SMAD3: variants seen among roughly 807,000 people sequenced by gnomAD.
SMAD3 encodes the protein SMAD family member 3.
SMAD3 carries 12 observed loss-of-function variants against 51.8 expected under a neutral mutation model. That is an observed-to-expected ratio of 0.23 (90% CI 0.15 to 0.38). SMAD3 has a LOEUF of 0.38. SMAD3 is among the 10% of genes least tolerant of loss of function. The pLI is 1.00. For missense variants in SMAD3, 294 were observed against 565.6 expected (o/e 0.52, Z 4.87); for synonymous variants, 238 against 227.7 (o/e 1.05, Z -0.41).
chr15:67,118,705 G>T lies in SMAD3; in HGVS notation c.207-46190G>T, dbSNP rs150804668. Among the ~76,000 whole-genome samples, 258 of 152,282 alleles carry T rather than the reference G, an allele frequency of 1.7e-3. 2 individuals are homozygous for T. Among genetic ancestry groups the T allele is most frequent in the African/African-American group, 5.8e-3 (243 of 41,556 alleles). On this transcript the variant is annotated intron_variant, in intron 1 of 8. Coordinates refer to ENST00000327367, the MANE Select transcript of SMAD3 (RefSeq NM_005902.4). ...CAATGTGATGTGGGTGTCCTGAGTC[G>T]TGAACATCCCATTGTGCAGGATAAA...
At chr15:67,139,725 A>G (rs1961766981) in intron 1 of SMAD3, among the ~76,000 whole-genome samples, 1 of 152,180 alleles carries the variant, frequency 6.6e-6, no homozygotes, top group African/African-American at 2.4e-5. Context: ...AATGCTGGGT[A>G]AGTAGAATTA....
chr15:67,108,509 CCCT>C (rs936300832), intron 1 of SMAD3, among the ~76,000 whole-genome samples: 5 of 152,194 alleles, frequency 3.3e-5, no homozygotes, highest in Non-Finnish European at 4.4e-5. Context: ...TTCAGATGCC[CCCT>C]CCTCCTGGCC....
intron 1 of SMAD3, chr15:67,138,436 G>C (rs1330835396): frequency 3.3e-6 from 1 of 307,114 alleles, no homozygotes; most frequent in Non-Finnish European, 6.3e-6. Flanking sequence ...GCGTGCTGGG[G>C]AGGGGAGCTA....
chr15:67,192,288 C>T lies in SMAD3; in HGVS notation c.*1752C>T, dbSNP rs927930948. 5 of 232,840 alleles carry T rather than the reference C, an allele frequency of 2.1e-5. No individual in the cohort carries two copies. The highest frequency in any genetic ancestry group is 3.4e-5 in the Non-Finnish European group (4 of 117,666). 14.4% of individuals were successfully genotyped at this position (232,840 alleles called of 1,614,324 possible). ...GAGGTTTCCAGGTAGGACAGCTGCTCCCCAAGCCTCCTGAGGACACAGGAA... is the reference window on the plus strand; with the variant it reads ...GAGGTTTCCAGGTAGGACAGCTGCTTCCCAAGCCTCCTGAGGACACAGGAA... On this transcript the variant is annotated 3_prime_UTR_variant, in exon 9 of 9. Coordinates refer to ENST00000327367, the MANE Select transcript of SMAD3 (RefSeq NM_005902.4).
At chr15:67,143,812 G>A (rs945045008) in intron 1 of SMAD3, among the ~76,000 whole-genome samples, 1 of 151,500 alleles carries the variant, frequency 6.6e-6, no homozygotes, top group Non-Finnish European at 1.5e-5. Flanking sequence ...TGTGATCTCG[G>A]CTCCTGCCGC....
chr15:67,077,041 C>T (rs1018438216), intron 1 of SMAD3, among the ~76,000 whole-genome samples: 2 of 152,154 alleles, frequency 1.3e-5, no homozygotes, highest in Non-Finnish European at 2.9e-5. Context: ...TTCCACATTC[C>T]ATTGTGAAAC....
intron 1 of SMAD3, among the ~76,000 whole-genome samples, chr15:67,104,356 A>C (rs1960831287): frequency 6.6e-6 from 1 of 152,214 alleles, no homozygotes; most frequent in African/African-American, 2.4e-5. Flanking sequence ...TGATCGGGGA[A>C]GAGACACTAA....
intron 1 of SMAD3, among the ~76,000 whole-genome samples, chr15:67,142,075 G>T (rs947927549): frequency 1.3e-5 from 2 of 152,138 alleles, no homozygotes; most frequent in African/African-American, 4.8e-5. Context: ...ACGTAGCGAG[G>T]CAGTGAAGAG....
rs1963463211 is a variant in SMAD3 at position 67,194,898 on chromosome 15, G to C, written c.*4362G>C. On this transcript the variant is annotated 3_prime_UTR_variant, in exon 9 of 9. Transcript: ENST00000327367. ...TTCACTCACCTTCACTGCTGCTGTT[G>C]CAACTCGGCTGTTCTGGACTCTGAT... is the stretch of plus-strand genomic sequence containing the variant. The C allele has an allele frequency of 8.6e-6, 2 of 233,548 alleles. No homozygotes were observed. The allele number at this position is 233,548 out of a possible 1,614,324, so 14.5% of individuals were successfully genotyped here.
chr15:67,079,397 C>T (rs570728159), intron 1 of SMAD3, among the ~76,000 whole-genome samples: 2 of 152,250 alleles, frequency 1.3e-5, no homozygotes, highest in East Asian at 1.9e-4. Context: ...ACCTTAGAGA[C>T]AATCATAAAT....
At chr15:67,126,095 T>C (rs2140247787) in intron 1 of SMAD3, 1 of 464,530 alleles carries the variant, frequency 2.2e-6, no homozygotes, top group African/African-American at 2.1e-5. Context: ...AATTGCGTAG[T>C]TTTTTTCTTT....
chr15:67,184,964 C>A, intron 7 of SMAD3, 100 bp downstream of exon 7: 2 of 1,453,642 alleles, frequency 1.4e-6, no homozygotes, highest in South Asian at 1.1e-5. Flanking sequence ...TCTGCTCACT[C>A]ATGATTGCGT....
In SMAD3 at chr15:67,179,979, G is replaced by A. The variant is rs185919074; in HGVS notation, c.659-1262G>A. Among the ~76,000 whole-genome samples the A allele has an allele frequency of 8.1e-3, 1,230 of 152,258 alleles. 10 individuals carry two copies. Among genetic ancestry groups the A allele is most frequent in the Non-Finnish European group, 0.011 (734 of 68,006 alleles). On this transcript the variant is annotated intron_variant, in intron 5 of 8. Transcript: ENST00000327367. ...GAGGCACACCCTTAGTAACTGCGTC[G>A]CTTCGGGTATATTTAAGAGCCAGAG... is the stretch of plus-strand genomic sequence containing the variant.
At chr15:67,129,435 A>G (rs1438643946) in intron 1 of SMAD3, among the ~76,000 whole-genome samples, 1 of 152,182 alleles carries the variant, frequency 6.6e-6, no homozygotes, top group African/African-American at 2.4e-5. Flanking sequence ...AAGAGACCAC[A>G]TTTATATAAC....
At chr15:67,177,414 T>C (rs1010826951) in intron 5 of SMAD3, among the ~76,000 whole-genome samples, 1 of 119,918 alleles carries the variant, frequency 8.3e-6, no homozygotes, top group African/African-American at 3.2e-5. Flanking sequence ...GCATATTTAG[T>C]GTTTTGGGTT....
chr15:67,129,719 T>C (rs1016998364), intron 1 of SMAD3, among the ~76,000 whole-genome samples: 4 of 152,254 alleles, frequency 2.6e-5, no homozygotes, highest in Admixed American at 6.5e-5. Flanking sequence ...TTTTAAATAC[T>C]ATATCTTGTT....
chr15:67,158,555 A>G (rs7173698), intron 1 of SMAD3, among the ~76,000 whole-genome samples: 54,796 of 152,190 alleles, frequency 0.36, 10,528 homozygotes, highest in African/African-American at 0.49. Context: ...TCTCCTTGCT[A>G]TCAGAACCCA....
chr15:67,168,742 G>C (rs1246935242), intron 4 of SMAD3, among the ~76,000 whole-genome samples: 1 of 152,062 alleles, frequency 6.6e-6, no homozygotes, highest in Non-Finnish European at 1.5e-5. Context: ...GTCCTGTTGT[G>C]AACATGAGTG....
rs920501855 is a variant in SMAD3 at position 67,185,401 on chromosome 15, A to G, written c.1009+537A>G. Reference sequence around the variant, plus strand: ...AGGAGAAACATCCGGATCCTGAAGGATAGGTAGGCACTAGGCACAGGGAGG... The same window carrying G: ...AGGAGAAACATCCGGATCCTGAAGGGTAGGTAGGCACTAGGCACAGGGAGG... On this transcript the variant is annotated intron_variant, in intron 7 of 8. Transcript: ENST00000327367. Among the ~76,000 whole-genome samples the G allele has an allele frequency of 2.0e-5, 3 of 152,140 alleles. No homozygotes were observed. The East Asian group carries it at 5.8e-4, about 29-fold the overall frequency.
Sources: gnomAD v4.1 joint callset for allele counts (sites outside exome capture counted in the v4.1 genomes callset) on GRCh38, gnomAD v4.1.1 for gene constraint, MANE v1.5 for transcripts, NCBI Gene and HGNC (gene_info 2026-07-23, HGNC 2026-07-21) for gene names.